TSACC: variants seen among roughly 807,000 people sequenced by gnomAD.
TSACC encodes the protein TSSK6-activating co-chaperone protein.
Under a neutral mutation model 6.9 loss-of-function variants are expected in TSACC, and 3 were observed. The observed-to-expected ratio is 0.43, with a 90% confidence interval of 0.20 to 1.12. The LOEUF is 1.12. Among genes scored for constraint, TSACC ranks in the 50% most tolerant of loss-of-function variants. The probability of loss-of-function intolerance (pLI) is 0.28; values close to 1 mark genes in which losing one functional copy is unlikely to be tolerated. For synonymous variants in TSACC, 54 were observed against 55.1 expected, an observed-to-expected ratio of 0.98 and a Z score of 0.09; for missense variants, 137 against 143.9, an observed-to-expected ratio of 0.95 and a Z score of 0.24.
At chr1:156,338,182 C>A, upstream of TSACC, 1 of 1,588,204 alleles carries the variant, frequency 6.3e-7, no homozygotes, top group Non-Finnish European at 8.6e-7. Context: ...GATGGCCCAT[C>A]ATGGCGACGC....
intron 2 of TSACC, among the ~76,000 whole-genome samples, 172 bp downstream of exon 2, chr1:156,339,963 C>T (rs1026991661): frequency 5.3e-5 from 8 of 152,222 alleles, no homozygotes; most frequent in Non-Finnish European, 8.8e-5. Context: ...TGTATCTCCT[C>T]TTAATACTTA....
chr1:156,338,407 A>T, upstream of TSACC: 1 of 585,990 alleles, frequency 1.7e-6, no homozygotes, highest in Non-Finnish European at 3.1e-6. Flanking sequence ...GAACGGCCAG[A>T]CAAGTTAGAC....
upstream of TSACC, chr1:156,338,288 C>T (rs1558277831): frequency 8.9e-7 from 1 of 1,126,832 alleles, no homozygotes; most frequent in South Asian, 1.3e-5. Context: ...CTCCTCAGGG[C>T]TTACACCTCA....
chr1:156,343,384 T>C (rs934872568), intron 2 of TSACC, among the ~76,000 whole-genome samples: 2 of 152,140 alleles, frequency 1.3e-5, no homozygotes, highest in African/African-American at 2.4e-5. Context: ...TGCCTGTTGG[T>C]GTCTGTGTAT....
intron 2 of TSACC, among the ~76,000 whole-genome samples, chr1:156,341,695 A>C (rs868706987): frequency 6.6e-6 from 1 of 152,168 alleles, no homozygotes; most frequent in African/African-American, 2.4e-5. Flanking sequence ...TTTAATTAAA[A>C]AACAATTTTT....
At position 156,339,791 on chromosome 1, in the gene TSACC, GGTGT is replaced by G. The variant is rs1266557274; in HGVS notation, c.34+5_34+8del. ...GCACACTAGTCATCCTAACAGAAAA[GGTGT>G]GTGTTGGAGGCCCTGCTTCCCCTCC... On this transcript the variant is annotated splice_donor_variant and splice_donor_region_variant and intron_variant, in intron 2 of 3. Transcript: ENST00000368254. LOFTEE classifies it high-confidence loss of function. 1 of 1,613,890 alleles carries G rather than the reference GGTGT, an allele frequency of 6.2e-7. No homozygotes were observed. Among genetic ancestry groups the G allele is most frequent in the Non-Finnish European group, 8.5e-7 (1 of 1,179,982 alleles).
rs764163470 is a variant in TSACC, at chr1:156,346,959, C to T, written c.355C>T (p.His119Tyr). ...PALSPNPLLN[H>Y]LPQFSK The stretch of plus-strand genomic sequence containing the variant: ...CTTATCTCCTAATCCATTGTTAAAT[C>T]ACCTGCCCCAATTCAGTAAATGAAT... The change falls in exon 4 of 4, where the codon CAC becomes TAC. Residue 119 changes from histidine to tyrosine, a missense_variant. His to Tyr is a moderately conservative substitution (Grantham distance 83, BLOSUM62 2). Transcript: ENST00000368254. 1 of 1,613,986 alleles carries T rather than the reference C, an allele frequency of 6.2e-7. No homozygotes were observed. The highest frequency in any genetic ancestry group is 1.3e-5 in the African/African-American group (1 of 74,924).
upstream of TSACC, chr1:156,338,493 C>A (rs1665574831): frequency 1.9e-6 from 1 of 517,430 alleles, no homozygotes; most frequent in African/African-American, 1.9e-5. Flanking sequence ...CCGCGTGCAG[C>A]GCGAACGTCG....
At chr1:156,344,435 T>A in intron 2 of TSACC, 145 bp from the exon 3 acceptor site, 1 of 1,252,748 alleles carries the variant, frequency 8.0e-7, no homozygotes, top group Non-Finnish European at 1.1e-6. Context: ...TATTATGATT[T>A]CTTTTTTGTC....
intron 2 of TSACC, among the ~76,000 whole-genome samples, chr1:156,340,302 G>T (rs895001772): frequency 6.6e-6 from 1 of 152,130 alleles, no homozygotes; most frequent in African/African-American, 2.4e-5. Flanking sequence ...GGGACTGCAG[G>T]CACCTGCCAC....
chr1:156,346,092 G>A (rs1341741814), intron 3 of TSACC, among the ~76,000 whole-genome samples: 1 of 150,036 alleles, frequency 6.7e-6, no homozygotes, highest in African/African-American at 2.5e-5. Context: ...TACTCAGGAA[G>A]TTGAGGCAGG....
In TSACC at chr1:156,339,679, A is replaced by G. The variant is rs573864786; in HGVS notation, c.-79A>G. The G allele has an allele frequency of 4.4e-6, 7 of 1,579,222 alleles. No individual in the cohort carries two copies. Among genetic ancestry groups the G allele is most frequent in the Admixed American group, 1.7e-5 (1 of 58,818 alleles). Reference sequence around the variant, plus strand: ...GCTGGAGACAACTTAGGAAATTATCATAGTGAAAATACTAACATGGATTGT... The same window carrying G: ...GCTGGAGACAACTTAGGAAATTATCGTAGTGAAAATACTAACATGGATTGT... On this transcript the variant is annotated 5_prime_UTR_variant, in exon 2 of 4. Coordinates refer to ENST00000368254, the MANE Select transcript of TSACC (RefSeq NM_001304817.2).
intron 1 of TSACC, among the ~76,000 whole-genome samples, chr1:156,339,262 CAAAAA>C (rs34441809): frequency 7.3e-6 from 1 of 136,740 alleles, no homozygotes; most frequent in Non-Finnish European, 1.6e-5. Context: ...GACTCCATCT[CAAAAA>C]AAAAAAAAAA....
chr1:156,337,774 A>AT (rs1665493541), upstream of TSACC: 2 of 274,530 alleles, frequency 7.3e-6, no homozygotes, highest in Non-Finnish European at 1.4e-5. Flanking sequence ...GGCCAAGAAT[A>AT]TAAAGCTAGA....
At chr1:156,342,689 C>G (rs1472058689) in intron 2 of TSACC, among the ~76,000 whole-genome samples, 1 of 152,232 alleles carries the variant, frequency 6.6e-6, no homozygotes, top group Non-Finnish European at 1.5e-5. Flanking sequence ...ATAGCACTTA[C>G]TGAAGTGTAA....
At chr1:156,339,878 C>A in intron 2 of TSACC, 87 bp downstream of exon 2, 1 of 1,426,246 alleles carries the variant, frequency 7.0e-7, no homozygotes, top group East Asian at 2.3e-5. Flanking sequence ...GCTGTATTCC[C>A]AGCACCTAGA....
chr1:156,341,028 C>G (rs1296949410), intron 2 of TSACC, among the ~76,000 whole-genome samples: 3 of 151,540 alleles, frequency 2.0e-5, no homozygotes, highest in Non-Finnish European at 4.4e-5. Flanking sequence ...CTGGGTTACG[C>G]CAGGTCTTGA....
intron 2 of TSACC, among the ~76,000 whole-genome samples, chr1:156,340,973 G>A (rs774358415): frequency 2.6e-5 from 4 of 152,070 alleles, no homozygotes; most frequent in Non-Finnish European, 5.9e-5. Context: ...GGGATTACAG[G>A]TGTATGCCAC....
At chr1:156,341,717 C>CAATTA (rs1665895196) in intron 2 of TSACC, among the ~76,000 whole-genome samples, 1 of 152,060 alleles carries the variant, frequency 6.6e-6, no homozygotes, top group African/African-American at 2.4e-5. Context: ...ATTTCTCATG[C>CAATTA]CACCTTGTGT....
Sources: gnomAD v4.1 joint callset for allele counts (sites outside exome capture counted in the v4.1 genomes callset) on GRCh38, gnomAD v4.1.1 for gene constraint, MANE v1.5 for transcripts, NCBI Gene and HGNC (gene_info 2026-07-23, HGNC 2026-07-21) for gene names.